INPP4B: variants seen among roughly 807,000 people sequenced by gnomAD.
INPP4B encodes the protein inositol polyphosphate 4-phosphatase type II.
Under a neutral mutation model 122.5 loss-of-function variants are expected in INPP4B, and 55 were observed. The observed-to-expected ratio is 0.45, with a 90% confidence interval of 0.36 to 0.56. INPP4B has a LOEUF of 0.56. Among genes scored for constraint, INPP4B ranks in the 20% least tolerant of loss-of-function variants. INPP4B has a pLI of 0.00. For synonymous variants in INPP4B, 403 were observed against 388.7 expected, an observed-to-expected ratio of 1.04 and a Z score of -0.43; for missense variants, 1,000 against 1,097.7, an observed-to-expected ratio of 0.91 and a Z score of 1.26.
intron 7 of INPP4B, among the ~76,000 whole-genome samples, chr4:142,397,582 G>A (rs1272183891): frequency 6.6e-6 from 1 of 152,184 alleles, no homozygotes; most frequent in Non-Finnish European, 1.5e-5. Context: ...ACTCGTGCCT[G>A]TAATCCCAGC....
chr4:142,697,737 T>C (rs1761211346), intron 2 of INPP4B, among the ~76,000 whole-genome samples: 1 of 152,152 alleles, frequency 6.6e-6, no homozygotes, highest in Admixed American at 6.6e-5. Flanking sequence ...TCATGAGTTA[T>C]TCAGATTTCC....
At chr4:142,718,777 C>A (rs1042755210) in intron 2 of INPP4B, among the ~76,000 whole-genome samples, 3 of 152,094 alleles carry the variant, frequency 2.0e-5, no homozygotes, top group African/African-American at 7.2e-5. Flanking sequence ...TGGGGAAAAT[C>A]CTGTTAAGTC....
At chr4:142,630,776 T>C (rs1284222603) in intron 2 of INPP4B, among the ~76,000 whole-genome samples, 3 of 152,072 alleles carry the variant, frequency 2.0e-5, no homozygotes, top group Non-Finnish European at 4.4e-5. Flanking sequence ...GGAATTGAGG[T>C]ACAGTACACT....
At chr4:142,469,574 C>T (rs1818433431) in intron 2 of INPP4B, among the ~76,000 whole-genome samples, 1 of 151,960 alleles carries the variant, frequency 6.6e-6, no homozygotes, top group Non-Finnish European at 1.5e-5. Flanking sequence ...AAATGTTTTG[C>T]TCTAATGATA....
intron 18 of INPP4B, among the ~76,000 whole-genome samples, chr4:142,126,959 A>T (rs1798882121): frequency 6.6e-6 from 1 of 152,116 alleles, no homozygotes; most frequent in South Asian, 2.1e-4. Flanking sequence ...CAATAAATTA[A>T]CCCAGATGTA....
intron 24 of INPP4B, among the ~76,000 whole-genome samples, chr4:142,084,410 C>T (rs1033425361): frequency 1.7e-4 from 26 of 152,002 alleles, no homozygotes; most frequent in African/African-American, 5.8e-4. Flanking sequence ...TGAGCCACCA[C>T]GCCTGGCCAC....
intron 25 of INPP4B, among the ~76,000 whole-genome samples, chr4:142,052,200 A>G (rs1172219951): frequency 6.6e-6 from 1 of 152,038 alleles, no homozygotes; most frequent in Non-Finnish European, 1.5e-5. Flanking sequence ...CCAAATATTT[A>G]TACCTTTAAT....
intron 16 of INPP4B, among the ~76,000 whole-genome samples, chr4:142,162,535 G>A (rs1579126295): frequency 6.6e-6 from 1 of 151,694 alleles, no homozygotes; most frequent in African/African-American, 2.4e-5. Context: ...TTTATTTTTT[G>A]AGCCAAACAA....
In INPP4B at chr4:142,157,073, A is replaced by G. The variant is rs189706103; in HGVS notation, c.1563+3285T>C. ...TAATTTAAAATGCTGAGTTACTACC[A>G]GCATTGACTAGACTTGTAATCAGCA... On this transcript the variant is annotated intron_variant, in intron 17 of 25. Transcript: ENST00000262992. 2.0e-5 allele frequency among the ~76,000 whole-genome samples: 3 copies of G among 152,302 alleles called. No individual in the cohort carries two copies. In the East Asian group the frequency reaches 5.8e-4, roughly 29 times the overall value.
intron 2 of INPP4B, among the ~76,000 whole-genome samples, chr4:142,703,022 T>A (rs1233252587): frequency 6.6e-6 from 1 of 152,156 alleles, no homozygotes; most frequent in Admixed American, 6.5e-5. Flanking sequence ...GCCATGTTAT[T>A]TTGTGCAAGT....
intron 2 of INPP4B, among the ~76,000 whole-genome samples, chr4:142,536,270 G>C (rs1356261136): frequency 6.6e-6 from 1 of 152,082 alleles, no homozygotes; most frequent in African/African-American, 2.4e-5. Flanking sequence ...TATAAACAAT[G>C]CTGACTGATT....
intron 11 of INPP4B, among the ~76,000 whole-genome samples, chr4:142,260,237 G>A (rs1033603151): frequency 1.3e-5 from 2 of 152,110 alleles, no homozygotes; most frequent in South Asian, 4.2e-4. Flanking sequence ...GCCCGCCTCG[G>A]CCTCCCAAAG....
Position 142,482,389 on chromosome 4 carries a change from A to C in INPP4B, c.-190-19663T>G, listed in dbSNP as rs368628805. Among the ~76,000 whole-genome samples the C allele has an allele frequency of 4.6e-5, 7 of 152,236 alleles. No homozygotes were observed. The East Asian group carries it at 1.2e-3, about 25-fold the overall frequency. ...AATATTAGAAAGCATCAAGTATATC[A>C]TATTATCCAATTAAGCTTTTAACCT... On this transcript the variant is annotated intron_variant, in intron 2 of 25. Transcript: ENST00000262992.
chr4:142,148,326 C>T (rs781274631), intron 17 of INPP4B, among the ~76,000 whole-genome samples: 2 of 152,072 alleles, frequency 1.3e-5, no homozygotes, highest in African/African-American at 2.4e-5. Flanking sequence ...ATGATCCTCC[C>T]ACCTCAGCCT....
intron 11 of INPP4B, among the ~76,000 whole-genome samples, chr4:142,246,601 T>C (rs1162817395): frequency 6.6e-6 from 1 of 152,218 alleles, no homozygotes; most frequent in Non-Finnish European, 1.5e-5. Flanking sequence ...TCTGTTTGTC[T>C]ATTATTGGTG....
rs192000465 is a variant in INPP4B at position 142,593,869 on chromosome 4, A to T, written c.-190-131143T>A. On this transcript the variant is annotated intron_variant, in intron 2 of 25. Coordinates refer to ENST00000262992, the MANE Select transcript of INPP4B (RefSeq NM_001101669.3). ...ATTATTTCAGAATGTTCTCAGCATAAATACACACACACACACACACACGCA... is the reference window on the plus strand; with the variant it reads ...ATTATTTCAGAATGTTCTCAGCATATATACACACACACACACACACACGCA... Among the ~76,000 whole-genome samples, 207 of 151,670 alleles carry T rather than the reference A, an allele frequency of 1.4e-3. 2 individuals are homozygous for T. Among genetic ancestry groups the T allele is most frequent in the African/African-American group, 4.6e-3 (189 of 41,326 alleles).
chr4:142,757,614 C>A (rs1418320051), intron 1 of INPP4B, among the ~76,000 whole-genome samples: 1 of 152,140 alleles, frequency 6.6e-6, no homozygotes, highest in African/African-American at 2.4e-5. Flanking sequence ...AACTTGATAG[C>A]TCATTTCTTC....
intron 2 of INPP4B, among the ~76,000 whole-genome samples, chr4:142,591,973 T>C (rs575966341): frequency 6.6e-6 from 1 of 152,226 alleles, no homozygotes; most frequent in South Asian, 2.1e-4. Flanking sequence ...AGGTAAAAAC[T>C]ATGAAAATCT....
intron 2 of INPP4B, among the ~76,000 whole-genome samples, chr4:142,678,219 A>G (rs772865112): frequency 6.6e-6 from 1 of 151,942 alleles, no homozygotes; most frequent in Non-Finnish European, 1.5e-5. Flanking sequence ...GAGATATAAT[A>G]AAAATTGAGT....
Sources: allele counts gnomAD v4.1 joint callset (sites outside exome capture counted in the v4.1 genomes callset), GRCh38; gene constraint gnomAD v4.1.1; transcripts MANE v1.5; gene names NCBI Gene and HGNC (gene_info 2026-07-23, HGNC 2026-07-21).